Variants in GCNA observed in about 807,000 individuals in gnomAD.
GCNA encodes the protein germ cell nuclear acidic protein.
GCNA carries 3 observed loss-of-function variants against 38.8 expected under a neutral mutation model. The ratio of observed to expected loss-of-function variants is 0.08; its 90% CI spans 0.04 to 0.20. The LOEUF (loss-of-function observed/expected upper bound fraction) is 0.20, where lower values mean the gene tolerates loss of function less well. GCNA is among the 10% of genes least tolerant of loss of function. The probability of loss-of-function intolerance (pLI) is 1.00; values close to 1 mark genes in which losing one functional copy is unlikely to be tolerated. For missense variants in GCNA, 446 were observed against 578.6 expected (o/e 0.77, Z 2.35); for synonymous variants, 195 against 240.2 (o/e 0.81, Z 1.74).
At chrX:71,590,807 C>A (rs983304115) in intron 2 of GCNA, among the ~76,000 whole-genome samples, 2 of 109,687 alleles carry the variant, frequency 1.8e-5, no homozygotes, top group African/African-American at 3.3e-5. Context: ...CTCAGCCTCC[C>A]GAGTAGCTGG....
At chrX:71,591,122 A>G (rs1400232200) in intron 2 of GCNA, among the ~76,000 whole-genome samples, 2 of 111,267 alleles carry the variant, frequency 1.8e-5, no homozygotes, top group Non-Finnish European at 3.8e-5. Flanking sequence ...CAGGCGCCAC[A>G]TTGGAGGAGT....
At chrX:71,605,237 C>T (rs1318482004) in intron 8 of GCNA, among the ~76,000 whole-genome samples, 1 of 98,230 alleles carries the variant, frequency 1.0e-5, no homozygotes, top group Non-Finnish European at 2.1e-5. Context: ...ACTATTGATA[C>T]ATAAGCCTTT....
intron 2 of GCNA, among the ~76,000 whole-genome samples, chrX:71,585,982 CT>C (rs1426345549): frequency 9.2e-6 from 1 of 109,262 alleles, no homozygotes; most frequent in Admixed American, 1.0e-4. Flanking sequence ...CCTTGCATAG[CT>C]TACTGTCTAG....
intron 2 of GCNA, among the ~76,000 whole-genome samples, chrX:71,581,647 A>C (rs1241081266): frequency 8.9e-6 from 1 of 112,418 alleles, no homozygotes; most frequent in East Asian, 2.8e-4. Context: ...CTGGCTAACC[A>C]TTTGGAAAAA....
intron 2 of GCNA, among the ~76,000 whole-genome samples, chrX:71,586,734 C>G (rs2040588488): frequency 9.0e-6 from 1 of 110,925 alleles, no homozygotes; most frequent in Non-Finnish European, 1.9e-5. Context: ...CTCAGCCTCC[C>G]AAGTAGCTGG....
intron 9 of GCNA, 52 bp downstream of exon 9, chrX:71,605,781 A>G: frequency 9.2e-6 from 10 of 1,083,923 alleles, no homozygotes; most frequent in Non-Finnish European, 1.3e-5. Context: ...CAGCCGTCAC[A>G]CTGGGCAGTC....
chrX:71,604,920 C>T (rs751215984), intron 8 of GCNA, among the ~76,000 whole-genome samples: 1 of 112,215 alleles, frequency 8.9e-6, no homozygotes, highest in African/African-American at 3.2e-5. Flanking sequence ...GTGCTGTCTC[C>T]CTGAACCTTC....
At chrX:71,612,815 G>A (rs759118237) in intron 12 of GCNA, 47 bp from the exon 13 acceptor site, 1 of 1,196,014 alleles carries the variant, frequency 8.4e-7, no homozygotes, top group South Asian at 1.8e-5. Context: ...TGATGCTGAG[G>A]TGCAGTGACT....
rs753995945 is a variant in GCNA, at chrX:71,609,093, T to C, written c.1587T>C (p.Phe529=). The change falls in exon 10 of 13, where the codon TTT becomes TTC. Residue 529 remains phenylalanine (F), a synonymous_variant. Transcript: ENST00000373696. The part of the protein sequence containing the change: ...DELVQRIYDL[F]NRSVCDKKLP... ...TGGTTCAGAGAATCTACGACCTGTTTAACAGATCCGTCTGTGATAAAAAGG... is the reference window on the plus strand; with the variant it reads ...TGGTTCAGAGAATCTACGACCTGTTCAACAGATCCGTCTGTGATAAAAAGG... 16 of 1,209,522 alleles carry C rather than the reference T, an allele frequency of 1.3e-5. No individual in the cohort carries two copies. The East Asian group carries it at 1.8e-4, about 13-fold the overall frequency.
chrX:71,610,161 A>G (rs1376687395), intron 10 of GCNA, among the ~76,000 whole-genome samples: 1 of 111,877 alleles, frequency 8.9e-6, no homozygotes, highest in Non-Finnish European at 1.9e-5. Flanking sequence ...CCAGACGTTA[A>G]TGTGGCTTTT....
At chrX:71,593,963 T>A (rs5981121) in intron 4 of GCNA, among the ~76,000 whole-genome samples, 2 of 111,690 alleles carry the variant, frequency 1.8e-5, no homozygotes, top group Non-Finnish European at 3.8e-5. Flanking sequence ...CAATCCTCCC[T>A]GCTCAGCCTC....
rs180675409 is a variant in GCNA, at chrX:71,605,102, C to T, written c.1399+426C>T. Among the ~76,000 whole-genome samples, 6 of 112,355 alleles carry T rather than the reference C, an allele frequency of 5.3e-5. No individual in the cohort carries two copies. In the East Asian group the frequency reaches 1.7e-3, roughly 31 times the overall value. ...AGTCTGTCCCCTTCCCTACCCCGTC[C>T]CGGTAGACTGTGAGCCTCTTCGTGG... On this transcript the variant is annotated intron_variant, in intron 8 of 12. Transcript: ENST00000373696.
chrX:71,598,172 TA>T, intron 7 of GCNA, 134 bp downstream of exon 7: 2 of 470,518 alleles, frequency 4.3e-6, no homozygotes, highest in Non-Finnish European at 3.7e-6. Context: ...TCTTTCCTCG[TA>T]TGTGCTGGCT....
chrX:71,612,266 A>G (rs1602187136), intron 11 of GCNA, 89 bp from the exon 12 acceptor site: 2 of 777,613 alleles, frequency 2.6e-6, no homozygotes. Flanking sequence ...CGACAAAGCA[A>G]GACTATCTCA....
chrX:71,588,181 G>A (rs1375456524), intron 2 of GCNA, among the ~76,000 whole-genome samples: 1 of 111,819 alleles, frequency 8.9e-6, no homozygotes, highest in African/African-American at 3.2e-5. Context: ...ACTAGACTGT[G>A]AGATCCCTAG....
intron 12 of GCNA, 43 bp from the exon 13 acceptor site, chrX:71,612,819 A>G (rs1366255442): frequency 1.7e-6 from 2 of 1,197,557 alleles, no homozygotes; most frequent in Non-Finnish European, 2.3e-6. Flanking sequence ...GCTGAGGTGC[A>G]GTGACTGATT....
At chrX:71,583,794 T>A (rs2040564382) in intron 2 of GCNA, among the ~76,000 whole-genome samples, 1 of 103,004 alleles carries the variant, frequency 9.7e-6, no homozygotes, top group Non-Finnish European at 2.0e-5. Context: ...GCCTCCTGGG[T>A]TCAAGCAATT....
chrX:71,601,493 T>C (rs990380120), intron 7 of GCNA, among the ~76,000 whole-genome samples: 8 of 111,807 alleles, frequency 7.2e-5, no homozygotes, highest in African/African-American at 2.6e-4. Context: ...ACTCCATTGC[T>C]CCATTGTGCA....
Position 71,603,835 on chromosome X carries a change from G to A in GCNA, c.558G>A (p.Ser186=), listed in dbSNP as rs1235230332. Residue 186 remains serine, a synonymous_variant, in exon 8 of 13, where the codon TCG becomes TCA. Transcript: ENST00000373696. ...SEAPDDNSDD[S]DVPDDNSDDS... ...CTCCCGACGACAATAGTGATGATTC[G>A]GATGTTCCCGACGACAACAGTGATG... 9 of 1,205,444 alleles carry A rather than the reference G, an allele frequency of 7.5e-6. No homozygotes were observed. Among genetic ancestry groups the A allele is most frequent in the African/African-American group, 7.2e-5 (4 of 55,587 alleles).
Sources: allele counts gnomAD v4.1 joint callset (sites outside exome capture counted in the v4.1 genomes callset), GRCh38; gene constraint gnomAD v4.1.1; transcripts MANE v1.5; gene names NCBI Gene and HGNC (gene_info 2026-07-23, HGNC 2026-07-21).